The following NSMCE2 variants were observed in gnomAD, a reference collection of about 807,000 sequenced individuals.
NSMCE2 encodes the protein NSE2 SUMO ligase component of SMC5/6 complex, also known as E3 SUMO-protein ligase NSE2.
NSMCE2 carries 24 observed loss-of-function variants against 23.8 expected under a neutral mutation model. That is an observed-to-expected ratio of 1.01 (90% CI 0.73 to 1.42). The LOEUF is 1.42. Among genes scored for constraint, NSMCE2 ranks in the 40% most tolerant of loss-of-function variants. The pLI, the probability that NSMCE2 is intolerant of heterozygous loss-of-function variation, is 0.00. For missense variants in NSMCE2, 284 were observed against 296.5 expected (o/e 0.96, Z 0.31); for synonymous variants, 92 against 94.1 (o/e 0.98, Z 0.13).
chr8:125,183,411 C>CT (rs11389676), intron 5 of NSMCE2, among the ~76,000 whole-genome samples: 15,273 of 151,656 alleles, frequency 0.1, 1,030 homozygotes, highest in African/African-American at 0.18. Flanking sequence ...TATTTTTGTT[C>CT]TTTTTTTTAA....
intron 5 of NSMCE2, among the ~76,000 whole-genome samples, chr8:125,337,263 T>G (rs1426548961): frequency 1.3e-5 from 2 of 152,226 alleles, no homozygotes; most frequent in African/African-American, 4.8e-5. Flanking sequence ...TCTCTTATTG[T>G]TGCTGACTTG....
At chr8:125,210,700 A>C (rs749311675) in intron 5 of NSMCE2, among the ~76,000 whole-genome samples, 32 of 151,166 alleles carry the variant, frequency 2.1e-4, no homozygotes, top group Non-Finnish European at 3.2e-4. Flanking sequence ...TCTCTTCCCC[A>C]GGTTGATTTC....
At chr8:125,315,111 CT>C (rs11284016) in intron 5 of NSMCE2, among the ~76,000 whole-genome samples, 68,352 of 150,840 alleles carry the variant, frequency 0.45, 17,830 homozygotes, top group Admixed American at 0.56. Flanking sequence ...TGACTAGAAT[CT>C]TTTTTTTTTC....
intron 4 of NSMCE2, among the ~76,000 whole-genome samples, chr8:125,159,476 G>A (rs1457618065): frequency 6.6e-6 from 1 of 152,176 alleles, no homozygotes; most frequent in African/African-American, 2.4e-5. Flanking sequence ...CAGGTTTGTA[G>A]CCTAGGAGTA....
chr8:125,311,351 G>A (rs1284859360), intron 5 of NSMCE2, among the ~76,000 whole-genome samples: 1 of 152,116 alleles, frequency 6.6e-6, no homozygotes, highest in African/African-American at 2.4e-5. Context: ...AAAAAAAAAT[G>A]CGTAAATTGT....
intron 5 of NSMCE2, among the ~76,000 whole-genome samples, chr8:125,253,930 T>TC (rs1310671673): frequency 6.6e-6 from 1 of 152,176 alleles, no homozygotes; most frequent in Non-Finnish European, 1.5e-5. Flanking sequence ...TTTTTGGCAG[T>TC]CATAGTCATC....
chr8:125,111,317 G>A (rs896977400), intron 3 of NSMCE2, among the ~76,000 whole-genome samples: 2 of 152,084 alleles, frequency 1.3e-5, no homozygotes, highest in African/African-American at 4.8e-5. Flanking sequence ...TGAGAGAATA[G>A]TTTTAAATCC....
At chr8:125,339,707 A>G (rs1586792717) in intron 5 of NSMCE2, among the ~76,000 whole-genome samples, 1 of 152,086 alleles carries the variant, frequency 6.6e-6, no homozygotes, top group Non-Finnish European at 1.5e-5. Flanking sequence ...CTTCTCCTTC[A>G]GGATTCCTCC....
chr8:125,312,859 A>G (rs1289619540), intron 5 of NSMCE2, among the ~76,000 whole-genome samples: 1 of 152,068 alleles, frequency 6.6e-6, no homozygotes, highest in Non-Finnish European at 1.5e-5. Context: ...GAGTCATTAG[A>G]AAAAGCCTCT....
chr8:125,137,314 A>T (rs1056784847), intron 3 of NSMCE2, among the ~76,000 whole-genome samples: 1 of 152,162 alleles, frequency 6.6e-6, no homozygotes, highest in Non-Finnish European at 1.5e-5. Flanking sequence ...TTCTTGTCAG[A>T]TATCTTGGAA....
intron 5 of NSMCE2, among the ~76,000 whole-genome samples, chr8:125,345,976 C>CA (rs1455072544): frequency 6.6e-6 from 1 of 152,170 alleles, no homozygotes; most frequent in East Asian, 1.9e-4. Flanking sequence ...CCCAACATGG[C>CA]AAAACCCCGT....
At chr8:125,337,145 G>A (rs1185186522) in intron 5 of NSMCE2, among the ~76,000 whole-genome samples, 1 of 152,188 alleles carries the variant, frequency 6.6e-6, no homozygotes, top group Non-Finnish European at 1.5e-5. Context: ...CTTGAGGTAC[G>A]GAAAGAATGG....
intron 5 of NSMCE2, among the ~76,000 whole-genome samples, chr8:125,349,719 C>A (rs1299532683): frequency 1.3e-5 from 2 of 152,146 alleles, no homozygotes; most frequent in African/African-American, 4.8e-5. Context: ...TGAAGACAGA[C>A]AAGTGACTAA....
intron 5 of NSMCE2, among the ~76,000 whole-genome samples, chr8:125,207,036 G>A (rs999892534): frequency 2.0e-5 from 3 of 152,080 alleles, no homozygotes; most frequent in African/African-American, 4.8e-5. Flanking sequence ...CTATTACCAA[G>A]GATGCACACA....
intron 4 of NSMCE2, among the ~76,000 whole-genome samples, chr8:125,155,643 A>G (rs1464213863): frequency 1.3e-5 from 2 of 152,172 alleles, no homozygotes; most frequent in African/African-American, 2.4e-5. Flanking sequence ...GAGACTTTTT[A>G]TTGACTATTA....
chr8:125,301,201 G>A (rs1174359758), intron 5 of NSMCE2, among the ~76,000 whole-genome samples: 1 of 152,190 alleles, frequency 6.6e-6, no homozygotes, highest in Non-Finnish European at 1.5e-5. Flanking sequence ...CAGCAGCACA[G>A]GCTGGTGGGA....
chr8:125,260,676 G>T (rs1826654595), intron 5 of NSMCE2, among the ~76,000 whole-genome samples: 1 of 151,230 alleles, frequency 6.6e-6, no homozygotes, highest in Non-Finnish European at 1.5e-5. Flanking sequence ...CCAGGCTGGA[G>T]TGCAGTGATG....
At chr8:125,207,886 G>A (rs1162954733) in intron 5 of NSMCE2, among the ~76,000 whole-genome samples, 5 of 152,174 alleles carry the variant, frequency 3.3e-5, no homozygotes, top group Non-Finnish European at 2.9e-5. Context: ...CTCTAGAGCC[G>A]GAGCTGAAGA....
At chr8:125,093,026 T>C (rs1010102758) in intron 1 of NSMCE2, among the ~76,000 whole-genome samples, 1 of 152,162 alleles carries the variant, frequency 6.6e-6, no homozygotes, top group Non-Finnish European at 1.5e-5. Context: ...GTAAAATCCT[T>C]CTTGGTTGAG....
Sources: allele counts gnomAD v4.1 joint callset (sites outside exome capture counted in the v4.1 genomes callset), GRCh38; gene constraint gnomAD v4.1.1; transcripts MANE v1.5; gene names NCBI Gene and HGNC (gene_info 2026-07-23, HGNC 2026-07-21).